Variants in MICAL2 observed in about 807,000 individuals in gnomAD.
MICAL2 encodes [F-actin]-monooxygenase MICAL2.
In MICAL2, 77 loss-of-function variants were observed where a neutral mutation model predicts 127.3. The observed-to-expected ratio is 0.60, with a 90% CI of 0.50 to 0.73. MICAL2 has a LOEUF of 0.73. MICAL2 is among the 30% of genes least tolerant of loss of function. The probability of loss-of-function intolerance (pLI) is 0.00; values close to 1 mark genes in which losing one functional copy is unlikely to be tolerated. For synonymous variants in MICAL2, 570 were observed against 551.1 expected (o/e 1.03, Z -0.48); for missense variants, 1,351 against 1,434.4 (o/e 0.94, Z 0.94).
chr11:12,262,131 G>T (rs1046004398), intron 26 of MICAL2: 8 of 1,164,800 alleles, frequency 6.9e-6, no homozygotes, highest in Non-Finnish European at 8.5e-6. Flanking sequence ...CTGGTGGGCA[G>T]CACCGACACC....
downstream of MICAL2, among the ~76,000 whole-genome samples, chr11:12,264,123 G>C (rs76045682): frequency 6.6e-6 from 1 of 152,084 alleles, no homozygotes; most frequent in Non-Finnish European, 1.5e-5. Flanking sequence ...CGTTTCCCCC[G>C]CACACCCAAG....
chr11:12,170,255 GC>G (rs1381535509), intron 3 of MICAL2, among the ~76,000 whole-genome samples: 1 of 152,040 alleles, frequency 6.6e-6, no homozygotes, highest in African/African-American at 2.4e-5. Context: ...TTCGAGACCA[GC>G]CCGGGCAATA....
At chr11:12,219,619 G>T (rs1388913434) in intron 8 of MICAL2, among the ~76,000 whole-genome samples, 1 of 151,292 alleles carries the variant, frequency 6.6e-6, no homozygotes, top group Non-Finnish European at 1.5e-5. Context: ...AAGTGTGAGA[G>T]GTTTCCCATT....
chr11:12,277,152 A>T (rs1007862057), intron 1 of MICAL2, among the ~76,000 whole-genome samples: 2 of 152,068 alleles, frequency 1.3e-5, no homozygotes, highest in African/African-American at 4.8e-5. Flanking sequence ...TGTTTGGGCC[A>T]GTAGGGTTCT....
Position 12,162,244 on chromosome 11 carries a change from A to T in MICAL2, c.89A>T (p.Gln30Leu). 1 of 1,614,246 alleles carries T rather than the reference A, an allele frequency of 6.2e-7. No homozygotes were observed. Among genetic ancestry groups the T allele is most frequent in the Non-Finnish European group, 8.5e-7 (1 of 1,180,052 alleles). Residue 30 changes from glutamine to leucine, a missense_variant, in exon 3 of 28, where the codon CAG becomes CTG. By Grantham distance (113) the Gln-to-Leu change is moderately radical. Coordinates refer to ENST00000683283, the MANE Select transcript of MICAL2 (RefSeq NM_001282663.2). ...GCATCCACGTGCAAAGGTACCCTCC[A>T]GGCCTTCAACATTCTCACACGACAC... is the stretch of plus-strand genomic sequence containing the variant. Reference protein sequence around the residue: ...VQASTCKGTLQAFNILTRHLD... With the variant: ...VQASTCKGTLLAFNILTRHLD...
chr11:12,237,572 A>T (rs1859259528), intron 16 of MICAL2, among the ~76,000 whole-genome samples: 1 of 152,058 alleles, frequency 6.6e-6, no homozygotes, highest in Non-Finnish European at 1.5e-5. Context: ...AGGGTATGTG[A>T]GTGTTGTTTC....
At chr11:12,233,561 A>C (rs1363684376) in intron 15 of MICAL2, among the ~76,000 whole-genome samples, 1 of 152,252 alleles carries the variant, frequency 6.6e-6, no homozygotes, top group Non-Finnish European at 1.5e-5. Context: ...GTGCTGATCA[A>C]ATAAATGTTC....
At chr11:12,136,981 A>G (rs559236478) in intron 1 of MICAL2, among the ~76,000 whole-genome samples, 95 of 152,298 alleles carry the variant, frequency 6.2e-4, no homozygotes, top group African/African-American at 2.1e-3. Flanking sequence ...GGTTGGACCA[A>G]TGATGGAATT....
At chr11:12,142,227 C>T (rs1298289960) in intron 2 of MICAL2, among the ~76,000 whole-genome samples, 2 of 152,224 alleles carry the variant, frequency 1.3e-5, no homozygotes, top group African/African-American at 2.4e-5. Flanking sequence ...TTATCAAGGC[C>T]TAATAAAACC....
At chr11:12,359,974 C>T (rs2134918998), downstream of MICAL2, among the ~76,000 whole-genome samples, 1 of 152,306 alleles carries the variant, frequency 6.6e-6, no homozygotes, top group African/African-American at 2.4e-5. Flanking sequence ...GGCCAGCTCA[C>T]AAGCCAGAAA....
At chr11:12,215,306 C>T (rs1460899585) in intron 7 of MICAL2, among the ~76,000 whole-genome samples, 1 of 152,194 alleles carries the variant, frequency 6.6e-6, no homozygotes, top group African/African-American at 2.4e-5. Context: ...GGGCCCTCTG[C>T]ATTGATGCCT....
intron 30 of MICAL2, chr11:12,319,849 G>T: frequency 6.6e-7 from 1 of 1,506,230 alleles, no homozygotes; most frequent in Non-Finnish European, 9.2e-7. Context: ...GCCTTGGCTG[G>T]TGGGGGCTGC....
chr11:12,283,762 C>T (rs1354134790), intron 2 of MICAL2, among the ~76,000 whole-genome samples: 4 of 152,218 alleles, frequency 2.6e-5, no homozygotes, highest in African/African-American at 7.2e-5. Flanking sequence ...ACTTCGGGGA[C>T]TACCTTGGCA....
chr11:12,208,310 GGTTT>G, intron 5 of MICAL2, 171 bp downstream of exon 5: 1 of 563,870 alleles, frequency 1.8e-6, no homozygotes, highest in Admixed American at 3.2e-5. Flanking sequence ...TATGACTTTA[GGTTT>G]GCTGTTTGGC....
intron 6 of MICAL2, 130 bp downstream of exon 6, chr11:12,209,728 C>A: frequency 1.3e-6 from 1 of 771,976 alleles, no homozygotes; most frequent in African/African-American, 1.7e-5. Context: ...GGAGGGCAGA[C>A]CATCCTGTCC....
intron 24 of MICAL2, among the ~76,000 whole-genome samples, chr11:12,270,856 G>T (rs78211859): frequency 2.6e-5 from 4 of 152,206 alleles, no homozygotes; most frequent in Admixed American, 2.0e-4. Context: ...CTGTTGCGTT[G>T]TCATCTCCCT....
intron 3 of MICAL2, among the ~76,000 whole-genome samples, chr11:12,185,758 A>G (rs1858160189): frequency 6.6e-6 from 1 of 152,120 alleles, no homozygotes; most frequent in African/African-American, 2.4e-5. Flanking sequence ...CCAAACCCAT[A>G]TACAGTGTGT....
At chr11:12,175,352 T>C (rs1419193475) in intron 3 of MICAL2, among the ~76,000 whole-genome samples, 1 of 152,042 alleles carries the variant, frequency 6.6e-6, no homozygotes, top group Non-Finnish European at 1.5e-5. Context: ...GGTGGGTGCC[T>C]GTAATCCCAG....
In MICAL2 at chr11:12,241,064, A is replaced by G. The variant is rs1220487216; in HGVS notation, c.2239A>G (p.Lys747Glu). ...KQERRVSGIG[K>E]PVLCSSSGPP... ...GGAACGCCGTGTCTCAGGGATAGGT[A>G]AGCCGGTCCTGTGCTCTTCCTCCGG... The change falls in exon 18 of 28, where the codon AAG (lysine) becomes GAG (glutamate). Residue 747 changes from lysine (K) to glutamate (E), a missense_variant. Coordinates refer to ENST00000683283, the MANE Select transcript of MICAL2 (RefSeq NM_001282663.2). The G allele has an allele frequency of 1.2e-6, 2 of 1,613,924 alleles. No homozygotes were observed. The highest frequency in any genetic ancestry group is 1.7e-6 in the Non-Finnish European group (2 of 1,180,006).
Sources: allele counts gnomAD v4.1 joint callset (sites outside exome capture counted in the v4.1 genomes callset), GRCh38; gene constraint gnomAD v4.1.1; transcripts MANE v1.5; gene names NCBI Gene and HGNC (gene_info 2026-07-23, HGNC 2026-07-21).